The following SECISBP2L variants were observed in gnomAD, a reference collection of about 807,000 sequenced individuals.
SECISBP2L encodes the protein selenocysteine insertion sequence-binding protein 2-like.
SECISBP2L carries 43 observed loss-of-function variants against 114.7 expected under a neutral mutation model. The observed-to-expected ratio is 0.38, with a 90% confidence interval of 0.29 to 0.48. The LOEUF is 0.48. Ranked by LOEUF, SECISBP2L falls within the 20% of genes least tolerant of loss-of-function variation. The pLI, the probability that SECISBP2L is intolerant of heterozygous loss-of-function variation, is 0.98. For missense variants in SECISBP2L, 1,136 were observed against 1,301.1 expected, an observed-to-expected ratio of 0.87 and a Z score of 1.95; for synonymous variants, 451 against 439.7, an observed-to-expected ratio of 1.03 and a Z score of -0.32.
At chr15:49,019,817 G>A (rs1401950683) in intron 7 of SECISBP2L, among the ~76,000 whole-genome samples, 1 of 152,118 alleles carries the variant, frequency 6.6e-6, no homozygotes, top group Non-Finnish European at 1.5e-5. Context: ...GTGAAAACAG[G>A]AAACAAACCA....
intron 7 of SECISBP2L, 97 bp from the exon 8 acceptor site, chr15:49,019,649 T>A (rs1902603169): frequency 1.0e-6 from 1 of 999,618 alleles, no homozygotes; most frequent in Non-Finnish European, 1.3e-6. Flanking sequence ...CACGCAAGTG[T>A]ACAACTCAAT....
chr15:49,031,041 T>TC (rs1415290582), intron 4 of SECISBP2L, among the ~76,000 whole-genome samples: 2 of 120,170 alleles, frequency 1.7e-5, no homozygotes, highest in South Asian at 3.1e-4. Flanking sequence ...CATTTTCTTT[T>TC]TTTTTTTTTT....
intron 17 of SECISBP2L, 115 bp downstream of exon 17, chr15:48,996,252 A>G: frequency 1.9e-6 from 2 of 1,067,200 alleles, no homozygotes; most frequent in Non-Finnish European, 2.7e-6. Flanking sequence ...TTTAAACCAA[A>G]TTTCGAGCAA....
chr15:48,992,407 C>G lies in SECISBP2L; in HGVS notation c.3143G>C (p.Ser1048Thr), dbSNP rs953568783. Residue 1048 changes from serine (S) to threonine (T), a missense_variant, in exon 18 of 18, where the codon AGT (serine) becomes ACT (threonine). Around this residue, in one of 2 missense-constraint regions of SECISBP2L, gnomAD observed 684 missense variants for 848.7 expected, o/e 0.81. Coordinates refer to ENST00000559471, the MANE Select transcript of SECISBP2L (RefSeq NM_001193489.2). The part of the protein sequence containing the change: ...NGSEEDNVEQ[S>T]GEEEAEAPEV... ...AGGCGCCTCTGCTTCCTCTTCTCCACTTTGCTCTACATTGTCTTCCTCAGA... is the reference window on the plus strand; with the variant it reads ...AGGCGCCTCTGCTTCCTCTTCTCCAGTTTGCTCTACATTGTCTTCCTCAGA... The G allele has an allele frequency of 1.9e-6, 3 of 1,614,200 alleles. No homozygotes were observed. The highest frequency in any genetic ancestry group is 2.5e-6 in the Non-Finnish European group (3 of 1,180,050).
intron 11 of SECISBP2L, among the ~76,000 whole-genome samples, chr15:49,015,194 G>C (rs72741941): frequency 0.045 from 6,911 of 152,052 alleles, 246 homozygotes; most frequent in East Asian, 0.15. Flanking sequence ...TCAAACAAAG[G>C]CAACTTGATT....
At chr15:49,044,863 T>C (rs1468418279) in intron 1 of SECISBP2L, among the ~76,000 whole-genome samples, 2 of 152,156 alleles carry the variant, frequency 1.3e-5, no homozygotes, top group Non-Finnish European at 2.9e-5. Flanking sequence ...AAGGTAGCAT[T>C]ACTGGTTTTA....
rs140815589 is a variant in SECISBP2L at position 49,034,195 on chromosome 15, T to C, written c.529-1095A>G. 5.6e-3 allele frequency among the ~76,000 whole-genome samples: 856 copies of C among 152,266 alleles called. 11 individuals are homozygous for C. The highest frequency in any genetic ancestry group is 0.02 in the African/African-American group (817 of 41,538). On this transcript the variant is annotated intron_variant, in intron 3 of 17. Transcript: ENST00000559471. Reference sequence around the variant, plus strand: ...GGCAGCAAAGACTTCACTGAAGAAGTTGGGCTAATGGAATCTAGGGAAAGC... The same window carrying C: ...GGCAGCAAAGACTTCACTGAAGAAGCTGGGCTAATGGAATCTAGGGAAAGC...
rs1414312543 is a variant in SECISBP2L, at chr15:49,009,322, G to C, written c.1921C>G (p.Pro641Ala). The change falls in exon 14 of 18, where the codon CCA becomes GCA. Residue 641 changes from proline to alanine, a missense_variant. Coordinates refer to ENST00000559471, the MANE Select transcript of SECISBP2L (RefSeq NM_001193489.2). Reference sequence around the variant, plus strand: ...TGTGACACAGGTGTCATACAGTATGGAGAGTTCTGACTTGCTGGAGAGAGT... The same window carrying C: ...TGTGACACAGGTGTCATACAGTATGCAGAGTTCTGACTTGCTGGAGAGAGT... ...TSLSPASQNS[P>A]YCMTPVSQGS... 1 of 1,614,162 alleles carries C rather than the reference G, an allele frequency of 6.2e-7. No homozygotes were observed. The highest frequency in any genetic ancestry group is 8.5e-7 in the Non-Finnish European group (1 of 1,180,014).
Position 49,016,863 on chromosome 15 carries a change from C to T in SECISBP2L, c.1404G>A (p.Glu468=), listed in dbSNP as rs1233824884. 4.4e-6 allele frequency: 7 copies of T among 1,605,974 alleles called. No homozygotes were observed. Among genetic ancestry groups the T allele is most frequent in the South Asian group, 3.4e-5 (3 of 89,216 alleles). The change falls in exon 10 of 18, where the codon GAG becomes GAA. Residue 468 remains glutamate (E), a synonymous_variant. Transcript: ENST00000559471. ...TAQEYSEISM[E]QKKLQEALSK... The stretch of plus-strand genomic sequence containing the variant: ...GAATATGTACCTGTAATTTTTTTTG[C>T]TCCATACTTATTTCTGAATACTCTT...
In SECISBP2L at chr15:49,035,336, T is replaced by C. The variant is rs773587912; in HGVS notation, c.526A>G (p.Lys176Glu). ...GCCAATCAAGACCAGACACTTACTT[T>C]TGGGACCACTGATCCTCTGTTACTG... is the stretch of plus-strand genomic sequence containing the variant. ...RNSNRGSVVPKQQLLQQHIKS... is the reference protein window; with the variant it reads ...RNSNRGSVVPEQQLLQQHIKS... Residue 176 changes from lysine to glutamate, a missense_variant and splice_region_variant, in exon 3 of 18, where the codon AAA (lysine) becomes GAA (glutamate). By Grantham distance (56) the Lys-to-Glu change is moderately conservative. This residue lies in a region of SECISBP2L where 452 missense variants were observed against 452.3 expected (regional missense o/e 1.00). Transcript: ENST00000559471. 1 of 1,612,506 alleles carries C rather than the reference T, an allele frequency of 6.2e-7. No individual in the cohort carries two copies. Among genetic ancestry groups the C allele is most frequent in the East Asian group, 2.2e-5 (1 of 44,856 alleles).
intron 17 of SECISBP2L, among the ~76,000 whole-genome samples, chr15:48,995,031 G>GTC (rs1902059824): frequency 6.6e-6 from 1 of 151,904 alleles, no homozygotes; most frequent in African/African-American, 2.4e-5. Flanking sequence ...TTTAGGCAGA[G>GTC]TATAGAAAAA....
intron 12 of SECISBP2L, among the ~76,000 whole-genome samples, chr15:49,012,253 T>C (rs985873753): frequency 3.3e-5 from 5 of 152,152 alleles, no homozygotes; most frequent in African/African-American, 4.8e-5. Context: ...CTTTTAACAA[T>C]AGTGAGTTAA....
intron 7 of SECISBP2L, 111 bp downstream of exon 7, chr15:49,027,254 A>G: frequency 1.5e-6 from 1 of 650,210 alleles, no homozygotes; most frequent in Non-Finnish European, 2.6e-6. Context: ...TACACATGAT[A>G]GTTCACTTCC....
chr15:49,017,114 A>G, intron 9 of SECISBP2L, 99 bp from the exon 10 acceptor site: 3 of 1,145,602 alleles, frequency 2.6e-6, no homozygotes, highest in Non-Finnish European at 3.7e-6. Flanking sequence ...GTACAACCGG[A>G]CTAGACTCTT....
At chr15:49,005,935 T>G (rs1902315105) in intron 14 of SECISBP2L, among the ~76,000 whole-genome samples, 1 of 152,180 alleles carries the variant, frequency 6.6e-6, no homozygotes, top group Non-Finnish European at 1.5e-5. Context: ...GGAGCTCTTG[T>G]AAGGCAGGCA....
At chr15:48,994,898 T>G (rs1902057424) in intron 17 of SECISBP2L, among the ~76,000 whole-genome samples, 1 of 151,000 alleles carries the variant, frequency 6.6e-6, no homozygotes, top group African/African-American at 2.4e-5. Flanking sequence ...TATATTTAAT[T>G]ATGAAAAAAA....
intron 15 of SECISBP2L, 33 bp downstream of exon 15, chr15:49,000,844 T>C: frequency 6.4e-7 from 1 of 1,559,172 alleles, no homozygotes; most frequent in South Asian, 1.2e-5. Flanking sequence ...ACAGCTATAC[T>C]ATCAAAACAC....
chr15:49,038,668 T>C (rs934485504), intron 1 of SECISBP2L, among the ~76,000 whole-genome samples: 3 of 152,160 alleles, frequency 2.0e-5, no homozygotes, highest in Non-Finnish European at 4.4e-5. Flanking sequence ...ATTGGTTTTA[T>C]GCAGTTTCTA....
chr15:49,045,653 G>T (rs571394538), intron 1 of SECISBP2L, among the ~76,000 whole-genome samples: 1 of 152,124 alleles, frequency 6.6e-6, no homozygotes, highest in South Asian at 2.1e-4. Context: ...TCGAAAATAA[G>T]CTTATGCTTT....
Sources: gnomAD v4.1 joint callset for allele counts (sites outside exome capture counted in the v4.1 genomes callset) on GRCh38, gnomAD v4.1.1 for gene constraint, gnomAD v4.1.1 regional missense constraint, MANE v1.5 for transcripts, NCBI Gene and HGNC (gene_info 2026-07-23, HGNC 2026-07-21) for gene names.